EYS: variants seen among roughly 807,000 people sequenced by gnomAD.
EYS encodes the protein protein eyes shut homolog.
In EYS, 250 loss-of-function variants were observed where a neutral mutation model predicts 282.1. The observed-to-expected ratio is 0.89, with a 90% confidence interval of 0.80 to 0.98. EYS has a LOEUF of 0.98. Ranked by LOEUF, EYS falls within the 50% of genes least tolerant of loss-of-function variation. EYS has a pLI of 0.00. For missense variants in EYS, 4,016 were observed against 3,709.0 expected (o/e 1.08, Z -2.15); for synonymous variants, 1,355 against 1,282.9 (o/e 1.06, Z -1.20).
chr6:64,970,688 G>A (rs540661249), intron 14 of EYS, among the ~76,000 whole-genome samples: 1 of 152,184 alleles, frequency 6.6e-6, no homozygotes, highest in South Asian at 2.1e-4. Context: ...AGTACAATAC[G>A]TAAACCTTGA....
chr6:65,075,361 G>T (rs1300771295), intron 12 of EYS, among the ~76,000 whole-genome samples: 1 of 151,932 alleles, frequency 6.6e-6, no homozygotes, highest in African/African-American at 2.4e-5. Context: ...CATTTTGAAA[G>T]TATTAAATAT....
rs565026054 is a variant in EYS at position 64,832,974 on chromosome 6, C to T, written c.2993-10152G>A. ...TGTCTAAATGAGTGCCTCAAATATT[C>T]TTATGTGCATCATTGAGCTCCAACC... On this transcript the variant is annotated intron_variant, in intron 19 of 42. Coordinates refer to ENST00000503581, the MANE Select transcript of EYS (RefSeq NM_001142800.2). Among the ~76,000 whole-genome samples, 11 of 151,978 alleles carry T rather than the reference C, an allele frequency of 7.2e-5. 1 individual carries two copies. The highest frequency in any genetic ancestry group is 1.7e-4 in the African/African-American group (7 of 41,526).
At chr6:65,122,379 G>C (rs1474163475) in intron 12 of EYS, among the ~76,000 whole-genome samples, 1 of 152,058 alleles carries the variant, frequency 6.6e-6, no homozygotes, top group African/African-American at 2.4e-5. Context: ...GGTCTTCAAA[G>C]ACAGGGACCT....
intron 29 of EYS, among the ~76,000 whole-genome samples, chr6:64,312,308 T>G (rs900431697): frequency 2.6e-5 from 4 of 152,094 alleles, no homozygotes; most frequent in African/African-American, 7.2e-5. Flanking sequence ...GCAAGGGTGC[T>G]GTGGCCAGAC....
At chr6:64,756,798 T>G (rs762403094) in intron 22 of EYS, among the ~76,000 whole-genome samples, 22 of 152,126 alleles carry the variant, frequency 1.4e-4, no homozygotes, top group Middle Eastern at 3.2e-3. Flanking sequence ...GTCCTGAATA[T>G]TTTCTCATGA....
intron 22 of EYS, among the ~76,000 whole-genome samples, chr6:64,809,417 T>C (rs1764530417): frequency 6.6e-6 from 1 of 151,804 alleles, no homozygotes; most frequent in Non-Finnish European, 1.5e-5. Flanking sequence ...GAGATTAAAA[T>C]ACACAAATTT....
chr6:65,408,898 A>C (rs1766864986), intron 5 of EYS, among the ~76,000 whole-genome samples: 1 of 152,126 alleles, frequency 6.6e-6, no homozygotes, highest in African/African-American at 2.4e-5. Flanking sequence ...TTAGCTAAGC[A>C]CTGTCTTAGC....
At chr6:64,225,778 GA>G (rs779373603) in intron 31 of EYS, among the ~76,000 whole-genome samples, 5 of 152,084 alleles carry the variant, frequency 3.3e-5, no homozygotes, top group African/African-American at 4.8e-5. Context: ...AGTTCATAGT[GA>G]AGAGCAGAGC....
chr6:65,567,267 A>G (rs1308314379), intron 2 of EYS, among the ~76,000 whole-genome samples: 1 of 149,568 alleles, frequency 6.7e-6, no homozygotes, highest in East Asian at 1.9e-4. Context: ...ATATATATAC[A>G]TATATACACA....
intron 12 of EYS, among the ~76,000 whole-genome samples, chr6:65,202,933 A>G (rs1026695681): frequency 2.0e-5 from 3 of 152,062 alleles, no homozygotes; most frequent in African/African-American, 7.2e-5. Flanking sequence ...CTTCCACTAG[A>G]CACCTGCTAA....
chr6:63,789,820 C>A (rs889742337), intron 37 of EYS, among the ~76,000 whole-genome samples: 1 of 152,116 alleles, frequency 6.6e-6, no homozygotes, highest in African/African-American at 2.4e-5. Flanking sequence ...AGTTCCAGGA[C>A]CCAGAACACT....
At chr6:64,568,201 C>A (rs75173545) in intron 26 of EYS, among the ~76,000 whole-genome samples, 3,641 of 151,980 alleles carry the variant, frequency 0.024, 91 homozygotes, top group East Asian at 0.11. Context: ...GAAAAAACCA[C>A]CAGAAAAGAA....
intron 26 of EYS, among the ~76,000 whole-genome samples, chr6:64,505,660 G>A (rs1244892016): frequency 6.6e-6 from 1 of 151,934 alleles, no homozygotes; most frequent in Non-Finnish European, 1.5e-5. Context: ...TCATGTACAG[G>A]GAAATTGTCT....
chr6:64,008,527 T>C (rs898982898), intron 33 of EYS, among the ~76,000 whole-genome samples: 4 of 152,162 alleles, frequency 2.6e-5, no homozygotes, highest in Non-Finnish European at 5.9e-5. Context: ...TTGATTATCA[T>C]GCAGACTTGA....
At chr6:64,387,444 T>A (rs1772950036) in intron 29 of EYS, among the ~76,000 whole-genome samples, 1 of 152,128 alleles carries the variant, frequency 6.6e-6, no homozygotes, top group African/African-American at 2.4e-5. Context: ...AGTTTTATAT[T>A]AAAATTTATA....
chr6:63,996,521 C>T (rs1298618035), intron 34 of EYS, among the ~76,000 whole-genome samples: 2 of 151,720 alleles, frequency 1.3e-5, no homozygotes, highest in Non-Finnish European at 2.9e-5. Flanking sequence ...CACATGTATC[C>T]CAGAACTTAA....
chr6:64,174,874 C>A (rs1456270954), intron 31 of EYS, among the ~76,000 whole-genome samples: 5 of 151,942 alleles, frequency 3.3e-5, no homozygotes, highest in African/African-American at 4.8e-5. Context: ...GGTGGATATA[C>A]AAATCACATA....
intron 30 of EYS, among the ~76,000 whole-genome samples, chr6:64,273,371 TTAAAG>T (rs1323425388): frequency 6.6e-6 from 1 of 152,224 alleles, no homozygotes; most frequent in Non-Finnish European, 1.5e-5. Context: ...TCATTGTTGG[TTAAAG>T]TAATCATCTG....
intron 12 of EYS, among the ~76,000 whole-genome samples, chr6:65,229,412 A>G (rs1479920512): frequency 1.3e-5 from 2 of 151,964 alleles, no homozygotes; most frequent in Non-Finnish European, 2.9e-5. Flanking sequence ...TAGAGAACTG[A>G]GCATGGAACA....
Sources: allele counts gnomAD v4.1 joint callset (sites outside exome capture counted in the v4.1 genomes callset), GRCh38; gene constraint gnomAD v4.1.1; transcripts MANE v1.5; gene names NCBI Gene and HGNC (gene_info 2026-07-23, HGNC 2026-07-21).